Variants in PTPN4 observed in about 807,000 individuals in gnomAD.
PTPN4 encodes the protein tyrosine-protein phosphatase non-receptor type 4.
A neutral mutation model predicts 135.5 loss-of-function variants in PTPN4; 49 were observed. That is an observed-to-expected ratio of 0.36 (90% CI 0.29 to 0.46). The LOEUF (loss-of-function observed/expected upper bound fraction) is 0.46, where lower values mean the gene tolerates loss of function less well. Ranked by LOEUF, PTPN4 falls within the 20% of genes least tolerant of loss-of-function variation. The probability of loss-of-function intolerance (pLI) is 1.00; values close to 1 mark genes in which losing one functional copy is unlikely to be tolerated. For missense variants in PTPN4, 860 were observed against 1,101.0 expected, an observed-to-expected ratio of 0.78 and a Z score of 3.10; for synonymous variants, 333 against 369.9, an observed-to-expected ratio of 0.90 and a Z score of 1.14.
At chr2:119,856,274 T>C (rs1338811992) in intron 2 of PTPN4, among the ~76,000 whole-genome samples, 1 of 152,212 alleles carries the variant, frequency 6.6e-6, no homozygotes, top group Non-Finnish European at 1.5e-5. Flanking sequence ...CTATCAGCAG[T>C]TACAAGTGTG....
At chr2:119,841,873 T>G (rs1331552181) in intron 2 of PTPN4, among the ~76,000 whole-genome samples, 1 of 152,128 alleles carries the variant, frequency 6.6e-6, no homozygotes, top group Non-Finnish European at 1.5e-5. Flanking sequence ...TCTTTCATAG[T>G]TTTGGTGTTA....
At chr2:119,972,186 C>A (rs1282461936) in intron 26 of PTPN4, among the ~76,000 whole-genome samples, 15 of 124,330 alleles carry the variant, frequency 1.2e-4, no homozygotes, top group Admixed American at 3.3e-4. Flanking sequence ...AAAAAAAAAA[C>A]CAGCAACCAG....
intron 16 of PTPN4, 63 bp downstream of exon 16, chr2:119,945,303 C>A (rs192798840): frequency 2.2e-5 from 32 of 1,427,278 alleles, no homozygotes; most frequent in Non-Finnish European, 2.9e-5. Flanking sequence ...AATGAAATTT[C>A]TTTTGTACTT....
At chr2:119,944,168 T>G (rs1055645052) in intron 15 of PTPN4, among the ~76,000 whole-genome samples, 1 of 152,190 alleles carries the variant, frequency 6.6e-6, no homozygotes, top group Non-Finnish European at 1.5e-5. Flanking sequence ...ACAGTAGCTG[T>G]CATCTCTCTT....
intron 3 of PTPN4, among the ~76,000 whole-genome samples, chr2:119,875,620 T>A (rs1677972788): frequency 6.6e-6 from 1 of 152,246 alleles, no homozygotes; most frequent in Admixed American, 6.5e-5. Context: ...TACCCCCAGC[T>A]ATTGAGTCAT....
At chr2:119,785,093 T>C (rs1245728977) in intron 1 of PTPN4, among the ~76,000 whole-genome samples, 1 of 152,216 alleles carries the variant, frequency 6.6e-6, no homozygotes, top group Non-Finnish European at 1.5e-5. Context: ...CAATCCGTGA[T>C]GTCTAATGGC....
chr2:119,841,026 GTTTACTCTGATAGGCT>G (rs1558741419), intron 2 of PTPN4, among the ~76,000 whole-genome samples: 1 of 151,944 alleles, frequency 6.6e-6, no homozygotes, highest in Non-Finnish European at 1.5e-5. Context: ...TCTGTAGGTT[GTTTACTCTGATAGGCT>G]TTTTTCTTTT....
At chr2:119,824,656 T>C (rs1042835926) in intron 2 of PTPN4, among the ~76,000 whole-genome samples, 1 of 152,212 alleles carries the variant, frequency 6.6e-6, no homozygotes, top group Non-Finnish European at 1.5e-5. Context: ...TTTGGTGACA[T>C]GACTCCTTTA....
intron 9 of PTPN4, among the ~76,000 whole-genome samples, chr2:119,892,541 A>T (rs1452173748): frequency 1.3e-5 from 2 of 152,204 alleles, no homozygotes; most frequent in African/African-American, 4.8e-5. Context: ...TGAAAGAGCC[A>T]TGCAAACATC....
At chr2:119,787,538 C>T (rs1691067545) in intron 1 of PTPN4, among the ~76,000 whole-genome samples, 1 of 152,152 alleles carries the variant, frequency 6.6e-6, no homozygotes, top group African/African-American at 2.4e-5. Context: ...CAGATATTTT[C>T]TACTGCCTTA....
intron 11 of PTPN4, among the ~76,000 whole-genome samples, chr2:119,918,045 G>A (rs2105027314): frequency 6.6e-6 from 1 of 152,318 alleles, no homozygotes; most frequent in South Asian, 2.1e-4. Flanking sequence ...GTGCATCATA[G>A]TAGCTGAGAC....
chr2:119,939,026 C>T (rs1399983602), intron 15 of PTPN4, among the ~76,000 whole-genome samples: 2 of 152,124 alleles, frequency 1.3e-5, no homozygotes, highest in Admixed American at 6.5e-5. Flanking sequence ...ATTTTATCTC[C>T]GTAAGCCTGT....
At chr2:119,976,431 CT>C in intron 26 of PTPN4, among the ~76,000 whole-genome samples, 1 of 151,716 alleles carries the variant, frequency 6.6e-6, no homozygotes, top group East Asian at 1.9e-4. Context: ...ACCTACCTTG[CT>C]TTTTTTACTT....
chr2:119,831,015 C>T (rs1022628803), intron 2 of PTPN4, among the ~76,000 whole-genome samples: 2 of 152,130 alleles, frequency 1.3e-5, no homozygotes, highest in African/African-American at 2.4e-5. Flanking sequence ...AACTTTTTGG[C>T]ACCAGGGACT....
At chr2:119,935,005 A>G (rs1386102848) in intron 15 of PTPN4, 47 bp downstream of exon 15, 1 of 1,531,260 alleles carries the variant, frequency 6.5e-7, no homozygotes. Context: ...AAATGCCCCA[A>G]ATTGCTTTAC....
intron 2 of PTPN4, among the ~76,000 whole-genome samples, chr2:119,817,930 A>T: frequency 6.6e-6 from 1 of 152,076 alleles, no homozygotes; most frequent in East Asian, 1.9e-4. Flanking sequence ...GCGGTTGTGA[A>T]TGGGAGTTCA....
At chr2:119,786,852 G>C (rs764461050) in intron 1 of PTPN4, among the ~76,000 whole-genome samples, 6 of 152,168 alleles carry the variant, frequency 3.9e-5, no homozygotes, top group Non-Finnish European at 8.8e-5. Context: ...GCCTGTGATA[G>C]ATTAAAAATG....
intron 9 of PTPN4, among the ~76,000 whole-genome samples, chr2:119,886,773 G>T (rs1209673666): frequency 6.6e-6 from 1 of 152,144 alleles, no homozygotes; most frequent in Non-Finnish European, 1.5e-5. Context: ...TCATGTAATG[G>T]TTTTATCCTT....
intron 1 of PTPN4, among the ~76,000 whole-genome samples, chr2:119,799,022 A>G (rs1447179223): frequency 6.6e-6 from 1 of 152,234 alleles, no homozygotes; most frequent in Non-Finnish European, 1.5e-5. Flanking sequence ...TGATCCAGTA[A>G]TAAACCTTAT....
Sources: gnomAD v4.1 joint callset for allele counts (sites outside exome capture counted in the v4.1 genomes callset) on GRCh38, gnomAD v4.1.1 for gene constraint, MANE v1.5 for transcripts, NCBI Gene and HGNC (gene_info 2026-07-23, HGNC 2026-07-21) for gene names.